Variants in STKLD1 observed in about 807,000 individuals in gnomAD.
STKLD1 encodes serine/threonine kinase like domain containing 1, also known as serine/threonine kinase-like domain-containing protein STKLD1.
In STKLD1, 79 loss-of-function variants were observed where a neutral mutation model predicts 80.4. That is an observed-to-expected ratio of 0.98 (90% CI 0.82 to 1.19). The LOEUF (loss-of-function observed/expected upper bound fraction) is 1.19. STKLD1 is among the 50% of genes most tolerant of loss of function. STKLD1 has a pLI of 0.00. For synonymous variants in STKLD1, 393 were observed against 357.6 expected, an observed-to-expected ratio of 1.10 and a Z score of -1.12; for missense variants, 841 against 856.0, an observed-to-expected ratio of 0.98 and a Z score of 0.22.
rs374779017 is a variant in STKLD1, at chr9:133,404,714, C to T, written c.1733-75C>T. On this transcript the variant is annotated intron_variant, in intron 16 of 17. Coordinates refer to ENST00000371957, the MANE Select transcript of STKLD1 (RefSeq NM_153710.5). ...GGCCCCTGTGTGAGCTCTGGGGTCC[C>T]ATCCCGTCCTGGGCAGAAGGCTCTT... 3.2e-5 allele frequency: 49 copies of T among 1,553,552 alleles called. 2 individuals are homozygous for T. In the African/African-American group the frequency reaches 3.6e-4, roughly 11 times the overall value.
Position 133,405,590 on chromosome 9 carries a change from T to C in STKLD1, c.*169T>C. ...TCCATGACTGCTGGATTGAGTCACA[T>C]GAGTAACTGCTCCTGGACCCGGGGA... On this transcript the variant is annotated 3_prime_UTR_variant, in exon 18 of 18. Coordinates refer to ENST00000371957, the MANE Select transcript of STKLD1 (RefSeq NM_153710.5). 1 of 581,080 alleles carries C rather than the reference T, an allele frequency of 1.7e-6. No homozygotes were observed. The highest frequency in any genetic ancestry group is 2.8e-6 in the Non-Finnish European group (1 of 360,426). 36.0% of individuals were successfully genotyped at this position (581,080 alleles called of 1,614,324 possible).
chr9:133,396,906 C>T (rs977660755), intron 9 of STKLD1, among the ~76,000 whole-genome samples: 2 of 152,200 alleles, frequency 1.3e-5, no homozygotes, highest in African/African-American at 2.4e-5. Flanking sequence ...AGTGCCAGGG[C>T]CCCGGACTGT....
chr9:133,391,399 A>G lies in STKLD1; in HGVS notation c.583+603A>G, dbSNP rs1353219818. Reference sequence around the variant, plus strand: ...CTCATTGAGAACGGGCCATGATGGCAATGGCGGTTTTGTGGAATAGAAAAG... The same window carrying G: ...CTCATTGAGAACGGGCCATGATGGCGATGGCGGTTTTGTGGAATAGAAAAG... On this transcript the variant is annotated intron_variant, in intron 7 of 17. Transcript: ENST00000371957. 4.0e-5 allele frequency among the ~76,000 whole-genome samples: 6 copies of G among 151,426 alleles called. No homozygotes were observed. In the East Asian group the frequency reaches 1.2e-3, roughly 29 times the overall value.
intron 12 of STKLD1, 23 bp from the exon 13 acceptor site, chr9:133,401,715 G>A: frequency 1.9e-6 from 3 of 1,605,424 alleles, no homozygotes; most frequent in Non-Finnish European, 2.5e-6. Context: ...CTAACCCCAG[G>A]CGTCTTCCTC....
intron 2 of STKLD1, among the ~76,000 whole-genome samples, chr9:133,383,374 A>G (rs1418311004): frequency 2.3e-4 from 3 of 13,076 alleles, no homozygotes; most frequent in Admixed American, 1.7e-3. Flanking sequence ...GGCAGTGATG[A>G]TGGTAATGAT....
chr9:133,379,890 C>T (rs1452169059), intron 2 of STKLD1, among the ~76,000 whole-genome samples: 6 of 152,334 alleles, frequency 3.9e-5, no homozygotes, highest in African/African-American at 9.6e-5. Context: ...GGCCTCAGTC[C>T]GTACAGCTCC....
intron 14 of STKLD1, among the ~76,000 whole-genome samples, chr9:133,403,221 T>C (rs1838755493): frequency 6.6e-6 from 1 of 152,252 alleles, no homozygotes; most frequent in Non-Finnish European, 1.5e-5. Context: ...AAAGGCCTTC[T>C]GGCAGAGGCC....
Position 133,394,335 on chromosome 9 carries a change from T to C in STKLD1, c.628T>C (p.Ser210Pro), listed in dbSNP as rs998126315. The C allele has an allele frequency of 6.2e-7, 1 of 1,613,896 alleles. No homozygotes were observed. The highest frequency in any genetic ancestry group is 8.5e-7 in the Non-Finnish European group (1 of 1,179,934). ...GATGGCCCCTGAAGCCCTCAACTTCTCCTTCAGCCAGAAATCAGACATCTG... is the reference window on the plus strand; with the variant it reads ...GATGGCCCCTGAAGCCCTCAACTTCCCCTTCAGCCAGAAATCAGACATCTG... ...SWMAPEALNF[S>P]FSQKSDIWSL... The change falls in exon 8 of 18, where the codon TCC (serine) becomes CCC (proline). Residue 210 changes from serine (S) to proline (P), a missense_variant. Ser to Pro is a moderately conservative substitution (Grantham distance 74). Transcript: ENST00000371957. The surrounding 1 kb of genome is among the most constrained non-coding windows in gnomAD (Gnocchi z 4.9).
chr9:133,403,063 GC>G lies in STKLD1; in HGVS notation c.1474+55del, dbSNP rs782395906. On this transcript the variant is annotated intron_variant, in intron 14 of 17. Transcript: ENST00000371957. ...CACCGGGGCTGGCAGCCCTCCCCCA[GC>G]CCCTCCCTAACTGCCCCTGAGAGCC... The G allele has an allele frequency of 9.2e-6, 14 of 1,520,862 alleles. No individual in the cohort carries two copies. The Admixed American group carries it at 2.4e-4, about 26-fold the overall frequency. The allele number at this position is 1,520,862 out of a possible 1,614,324, so 94.2% of individuals were successfully genotyped here.
rs2130277217 is a variant in STKLD1 at position 133,386,260 on chromosome 9, G to A, written c.294+569G>A. ...CCATTTGACAGAAGAAGAAACAGAG[G>A]CTAACAGAAACAAGTTGCTCCAGGT... On this transcript the variant is annotated intron_variant, in intron 4 of 17. Coordinates refer to ENST00000371957, the MANE Select transcript of STKLD1 (RefSeq NM_153710.5). Among the ~76,000 whole-genome samples, 331 of 152,286 alleles carry A rather than the reference G, an allele frequency of 2.2e-3. 3 individuals are homozygous for A. Among genetic ancestry groups the A allele is most frequent in the African/African-American group, 7.4e-3 (307 of 41,562 alleles).
In STKLD1 at chr9:133,394,325, C is replaced by G. The variant is rs374918889; in HGVS notation, c.618C>G (p.Ala206=). 26 of 1,613,900 alleles carry G rather than the reference C, an allele frequency of 1.6e-5. No homozygotes were observed. In the African/African-American group the frequency reaches 2.5e-4, roughly 16 times the overall value. The change falls in exon 8 of 18, where the codon GCC becomes GCG. Residue 206 remains alanine (A), a synonymous_variant. Transcript: ENST00000371957. The surrounding 1 kb of genome is among the most constrained non-coding windows in gnomAD (Gnocchi z 4.9). The stretch of plus-strand genomic sequence containing the variant: ...GTAAGTCCTGGATGGCCCCTGAAGC[C>G]CTCAACTTCTCCTTCAGCCAGAAAT... The part of the protein sequence containing the change: ...PFRKSWMAPE[A]LNFSFSQKSD...
chr9:133,404,955 T>C (rs1838810785), intron 17 of STKLD1, 26 bp downstream of exon 17: 3 of 1,609,414 alleles, frequency 1.9e-6, no homozygotes, highest in Non-Finnish European at 2.5e-6. Context: ...CACCTCACAC[T>C]CCCTAGAGCC....
chr9:133,376,740 C>G (rs1160617876), intron 1 of STKLD1, among the ~76,000 whole-genome samples, 180 bp downstream of exon 1: 1 of 152,220 alleles, frequency 6.6e-6, no homozygotes, highest in Non-Finnish European at 1.5e-5. Flanking sequence ...GTGCCCTTTG[C>G]CACTCAGTTT....
At chr9:133,387,747 T>G in intron 5 of STKLD1, 199 bp downstream of exon 5, 1 of 675,860 alleles carries the variant, frequency 1.5e-6, no homozygotes, top group Non-Finnish European at 2.7e-6. Flanking sequence ...CTCACACAAC[T>G]TCCACCCAGA....
chr9:133,388,952 G>C (rs1244963376), intron 5 of STKLD1: 2 of 985,256 alleles, frequency 2.0e-6, no homozygotes, highest in African/African-American at 3.5e-5. Context: ...TCTAACTGGG[G>C]GCAGTGGGAG....
At chr9:133,380,589 GTTGCAGTGAGTCGAGA>G (rs1397057691) in intron 2 of STKLD1, among the ~76,000 whole-genome samples, 1 of 152,098 alleles carries the variant, frequency 6.6e-6, no homozygotes, top group Admixed American at 6.5e-5. Context: ...GGCGGCGGAG[GTTGCAGTGAGTCGAGA>G]TTGCGCCACT....
intron 7 of STKLD1, among the ~76,000 whole-genome samples, chr9:133,393,404 G>A (rs1010972346): frequency 6.8e-6 from 1 of 147,576 alleles, no homozygotes; most frequent in Non-Finnish European, 1.5e-5. Flanking sequence ...GGATGGATGG[G>A]TGTGTGGTTA....
intron 7 of STKLD1, among the ~76,000 whole-genome samples, chr9:133,392,686 A>G (rs1271533630): frequency 0.042 from 1,974 of 46,556 alleles, 177 homozygotes; most frequent in Non-Finnish European, 0.055. Context: ...TGGATGGGTG[A>G]GTAGGTGAGT....
chr9:133,379,293 T>A (rs2130260399), intron 2 of STKLD1, among the ~76,000 whole-genome samples, 171 bp downstream of exon 2: 5 of 152,126 alleles, frequency 3.3e-5, no homozygotes, highest in Non-Finnish European at 4.4e-5. Flanking sequence ...TGCGTGAAGC[T>A]CTGTCACCTT....
Sources: gnomAD v4.1 joint callset for allele counts (sites outside exome capture counted in the v4.1 genomes callset) on GRCh38, gnomAD v4.1.1 for gene constraint, Gnocchi (gnomAD v3.1) non-coding constraint, MANE v1.5 for transcripts, NCBI Gene and HGNC (gene_info 2026-07-23, HGNC 2026-07-21) for gene names.